Variants in CASK observed in about 807,000 individuals in gnomAD.
The protein encoded by CASK is peripheral plasma membrane protein CASK.
Under a neutral mutation model 82.9 loss-of-function variants are expected in CASK, and 4 were observed. The ratio of observed to expected loss-of-function variants is 0.05; its 90% CI spans 0.02 to 0.11. The LOEUF is 0.11. Ranked by LOEUF, CASK falls within the 10% of genes least tolerant of loss-of-function variation. CASK has a pLI of 1.00. For synonymous variants in CASK, 259 were observed against 253.5 expected, an observed-to-expected ratio of 1.02 and a Z score of -0.20; for missense variants, 358 against 720.9, an observed-to-expected ratio of 0.50 and a Z score of 5.76.
chrX:41,881,659 A>G lies in CASK; in HGVS notation c.60-28432T>C, dbSNP rs745846407. Among the ~76,000 whole-genome samples the G allele has an allele frequency of 5.4e-5, 6 of 112,070 alleles. No homozygotes were observed. In the South Asian group the frequency reaches 2.2e-3, roughly 41 times the overall value. ...ATATGCCATTTTAGTTCACTACTTC[A>G]AAAATGATATTCTGACATCATACCA... On this transcript the variant is annotated intron_variant, in intron 1 of 26. Transcript: ENST00000378163.
chrX:41,650,982 G>A (rs187845923), intron 8 of CASK, among the ~76,000 whole-genome samples: 3 of 111,842 alleles, frequency 2.7e-5, no homozygotes, highest in South Asian at 7.5e-4. Flanking sequence ...CATGGCATGC[G>A]ATACTCAGCT....
At chrX:41,667,615 G>C (rs898990637) in intron 6 of CASK, among the ~76,000 whole-genome samples, 3 of 110,998 alleles carry the variant, frequency 2.7e-5, no homozygotes, top group Non-Finnish European at 5.7e-5. Context: ...TTTTTTTGCA[G>C]AGTCTCACTA....
At chrX:41,613,430 G>GC (rs1177963106) in intron 11 of CASK, among the ~76,000 whole-genome samples, 1 of 95,401 alleles carries the variant, frequency 1.0e-5, no homozygotes, top group African/African-American at 3.9e-5. Flanking sequence ...ATGCTTGAAG[G>GC]CAGCATGCTC....
rs141700625 is a variant in CASK, at chrX:41,842,932, A to G, written c.172+10183T>C. Among the ~76,000 whole-genome samples the G allele has an allele frequency of 3.6e-3, 407 of 112,026 alleles. 2 individuals are homozygous for G. The highest frequency in any genetic ancestry group is 0.013 in the African/African-American group (398 of 30,898). ...ATTTTATTCTTTTTGATGCTGTGGT[A>G]AATGGAATTGCTTTCTTAACTTCAT... On this transcript the variant is annotated intron_variant, in intron 2 of 26. Transcript: ENST00000378163.
chrX:41,718,477 C>T (rs144024779), intron 5 of CASK, among the ~76,000 whole-genome samples: 4 of 111,569 alleles, frequency 3.6e-5, no homozygotes, highest in African/African-American at 9.8e-5. Context: ...TGGGATCTGA[C>T]GCTATCTCCA....
Position 41,923,094 on chromosome X carries a change from C to T in CASK, c.-106G>A. Reference sequence around the variant, plus strand: ...CGGGATCGCCTCCTCCCCTCAGGACCCGCGAGCCCTCGGTGCCGAGGACGC... The same window carrying T: ...CGGGATCGCCTCCTCCCCTCAGGACTCGCGAGCCCTCGGTGCCGAGGACGC... On this transcript the variant is annotated 5_prime_UTR_variant, in exon 1 of 27. Coordinates refer to ENST00000378163, the MANE Select transcript of CASK (RefSeq NM_001367721.1). 2 of 699,370 alleles carry T rather than the reference C, an allele frequency of 2.9e-6. No individual in the cohort carries two copies. The highest frequency in any genetic ancestry group is 4.4e-6 in the Non-Finnish European group (2 of 452,132). 57.6% of individuals were successfully genotyped at this position (699,370 alleles called of 1,213,427 possible). A position where few individuals can be genotyped will look rare whatever the true frequency, so the allele number is the denominator to read the frequency against.
intron 21 of CASK, among the ~76,000 whole-genome samples, chrX:41,545,027 GTTT>G (rs57524862): frequency 9.4e-6 from 1 of 106,892 alleles, no homozygotes. Flanking sequence ...TAGTACTGCT[GTTT>G]TTTTTTTGTT....
chrX:41,847,462 T>C (rs763230666), intron 2 of CASK, among the ~76,000 whole-genome samples: 1 of 112,135 alleles, frequency 8.9e-6, no homozygotes, highest in Non-Finnish European at 1.9e-5. Context: ...TTTTGTTTTT[T>C]ATAGTTTCTA....
intron 1 of CASK, among the ~76,000 whole-genome samples, chrX:41,921,125 T>C (rs2072773701): frequency 8.9e-6 from 1 of 112,580 alleles, no homozygotes; most frequent in Non-Finnish European, 1.9e-5. Flanking sequence ...TATTTAATTT[T>C]AATTAATTAA....
At chrX:41,614,399 A>G (rs939995969) in intron 11 of CASK, among the ~76,000 whole-genome samples, 1 of 112,692 alleles carries the variant, frequency 8.9e-6, no homozygotes. Context: ...ATGAAATCAT[A>G]CAGTATGTAA....
At chrX:41,778,881 C>A (rs910093470) in intron 3 of CASK, among the ~76,000 whole-genome samples, 20 of 107,348 alleles carry the variant, frequency 1.9e-4, no homozygotes, top group African/African-American at 5.7e-4. Flanking sequence ...AAAAAAAAAA[C>A]CCCAAACTCC....
At chrX:41,876,701 T>C (rs1391996072) in intron 1 of CASK, among the ~76,000 whole-genome samples, 1 of 112,307 alleles carries the variant, frequency 8.9e-6, no homozygotes, top group Non-Finnish European at 1.9e-5. Context: ...AAAAACAATT[T>C]TCACATTTAT....
intron 5 of CASK, among the ~76,000 whole-genome samples, chrX:41,714,965 C>T (rs2068036370): frequency 8.9e-6 from 1 of 112,108 alleles, no homozygotes; most frequent in Non-Finnish European, 1.9e-5. Context: ...GTGTGAGGAA[C>T]TGCGGGATTC....
At chrX:41,584,623 G>A (rs2065631257) in intron 14 of CASK, 1 of 111,390 alleles carries the variant, frequency 9.0e-6, no homozygotes, top group Non-Finnish European at 1.9e-5. Context: ...CTCCTATGAG[G>A]ACCTAATGCC....
In CASK at chrX:41,530,949, A is replaced by G. The variant is rs760081932; in HGVS notation, c.2520+58T>C. Reference sequence around the variant, plus strand: ...TTCTGATGGCATTTTTGATTTCAGAATCTGTGCTTATTGGCATGCAGGCAG... The same window carrying G: ...TTCTGATGGCATTTTTGATTTCAGAGTCTGTGCTTATTGGCATGCAGGCAG... On this transcript the variant is annotated intron_variant, in intron 25 of 26. Transcript: ENST00000378163. The G allele has an allele frequency of 7.1e-4, 722 of 1,018,793 alleles. 4 individuals are homozygous for G. The highest frequency in any genetic ancestry group is 1.3e-4 in the Non-Finnish European group (96 of 722,342). The allele number at this position is 1,018,793 out of a possible 1,213,427, so 84.0% of individuals were successfully genotyped here.
intron 4 of CASK, among the ~76,000 whole-genome samples, chrX:41,740,020 C>T (rs1431897465): frequency 1.8e-5 from 2 of 112,307 alleles, no homozygotes; most frequent in East Asian, 2.8e-4. Context: ...TAATTCTAGG[C>T]ACATGTCCTA....
In CASK at chrX:41,542,915, C is replaced by T. The variant is rs991600263; in HGVS notation, c.2040-109G>A. 5.6e-5 allele frequency: 27 copies of T among 485,351 alleles called. No homozygotes were observed. In the African/African-American group the frequency reaches 5.8e-4, roughly 10 times the overall value. 40.0% of individuals were successfully genotyped at this position (485,351 alleles called of 1,213,427 possible). ...TTATATAAAACAGCATAACCATACT[C>T]ATCCTAATCTTTTAAAAAATTTGGA... is the stretch of plus-strand genomic sequence containing the variant. On this transcript the variant is annotated intron_variant, in intron 21 of 26. Transcript: ENST00000378163.
intron 25 of CASK, chrX:41,524,761 A>C (rs145291173): frequency 5.4e-5 from 6 of 111,366 alleles, no homozygotes; most frequent in African/African-American, 2.0e-4. Context: ...GCAACGCTGC[A>C]GTCAGACGCT....
At chrX:41,722,250 A>G (rs1361612212) in intron 5 of CASK, among the ~76,000 whole-genome samples, 1 of 112,136 alleles carries the variant, frequency 8.9e-6, no homozygotes, top group South Asian at 3.7e-4. Context: ...TGTGATAGCC[A>G]GTTTCCAAGA....
Sources: allele counts gnomAD v4.1 joint callset (sites outside exome capture counted in the v4.1 genomes callset), GRCh38; gene constraint gnomAD v4.1.1; transcripts MANE v1.5; gene names NCBI Gene and HGNC (gene_info 2026-07-23, HGNC 2026-07-21).